Variants in NUFIP1 observed in about 807,000 individuals in gnomAD.
The protein encoded by NUFIP1 is FMR1-interacting protein NUFIP1.
Under a neutral mutation model 56.2 loss-of-function variants are expected in NUFIP1, and 38 were observed. The ratio of observed to expected loss-of-function variants is 0.68; its 90% CI spans 0.52 to 0.89. NUFIP1 has a LOEUF of 0.89. Ranked by LOEUF, NUFIP1 falls within the 40% of genes least tolerant of loss-of-function variation. The pLI is 0.00. For synonymous variants in NUFIP1, 215 were observed against 212.4 expected, an observed-to-expected ratio of 1.01 and a Z score of -0.10; for missense variants, 567 against 605.8, an observed-to-expected ratio of 0.94 and a Z score of 0.67.
rs747703932 is a variant in NUFIP1 at position 44,989,175 on chromosome 13, C to G, written c.262G>C (p.Gly88Arg). 6.2e-7 allele frequency: 1 copy of G among 1,612,632 alleles called. No homozygotes were observed. Residue 88 changes from glycine (G) to arginine (R), a missense_variant, in exon 1 of 10, where the codon GGG becomes CGG. Transcript: ENST00000379161. Reference sequence around the variant, plus strand: ...TGGGCGTCGAAGGGGGGTTGCGCCCCGGGAAGAATCTGGGCGTCGAAGGGG... The same window carrying G: ...TGGGCGTCGAAGGGGGGTTGCGCCCGGGGAAGAATCTGGGCGTCGAAGGGG... ...PPPFDAQILP[G>R]AQPPFDAQSP...
intron 7 of NUFIP1, among the ~76,000 whole-genome samples, chr13:44,951,594 C>A (rs1284636413): frequency 6.6e-6 from 1 of 152,180 alleles, no homozygotes; most frequent in African/African-American, 2.4e-5. Context: ...AGCTCCATTT[C>A]TTTCCTCCCT....
chr13:44,941,311 C>T lies in NUFIP1; in HGVS notation c.1383G>A (p.Pro461=), dbSNP rs141500983. The T allele has an allele frequency of 4.9e-4, 790 of 1,600,696 alleles. 3 individuals are homozygous for T. In the African/African-American group the frequency reaches 8.2e-3, roughly 17 times the overall value. The stretch of plus-strand genomic sequence containing the variant: ...TCACATTTCTTTCATGTCGAATGTC[C>T]GGAGCTAGAAGCTAAAACACAATTT... ...HPYLLEMLLA[P]DIRHERNVIL... is the part of the protein sequence containing the mutation. Residue 461 remains proline, a synonymous_variant, in exon 10 of 10, where the codon CCG becomes CCA. Transcript: ENST00000379161.
At chr13:44,942,853 C>A (rs1420718484) in intron 9 of NUFIP1, among the ~76,000 whole-genome samples, 1 of 151,742 alleles carries the variant, frequency 6.6e-6, no homozygotes, top group Non-Finnish European at 1.5e-5. Context: ...ATAGTCCCAG[C>A]TACTTGGGAG....
At chr13:44,953,297 T>C (rs887223674) in intron 7 of NUFIP1, among the ~76,000 whole-genome samples, 6 of 152,092 alleles carry the variant, frequency 3.9e-5, no homozygotes, top group Admixed American at 6.5e-5. Context: ...TGGGGGGAGA[T>C]ATTTTGAGGC....
chr13:44,972,977 A>T (rs1197301713), intron 5 of NUFIP1, among the ~76,000 whole-genome samples: 1 of 152,236 alleles, frequency 6.6e-6, no homozygotes, highest in East Asian at 1.9e-4. Flanking sequence ...AGATAAGCAA[A>T]ATGTCTGTTA....
chr13:44,974,803 G>T (rs1871915991), intron 5 of NUFIP1, among the ~76,000 whole-genome samples: 1 of 152,172 alleles, frequency 6.6e-6, no homozygotes, highest in Non-Finnish European at 1.5e-5. Context: ...GGTACTGAAT[G>T]AATTCAAAAT....
Position 44,989,353 on chromosome 13 carries a change from G to A in NUFIP1, c.84C>T (p.Ser28=), listed in dbSNP as rs1011227374. Residue 28 remains serine (S), a synonymous_variant, in exon 1 of 10, where the codon AGC becomes AGT. Coordinates refer to ENST00000379161, the MANE Select transcript of NUFIP1 (RefSeq NM_012345.3). ...PELTPTLGPL[S]DTAPPRDSWM... ...AGCTGTCCCGCGGCGGGGCAGTGTC[G>A]CTCAGGGGCCCTAACGTGGGAGTCA... 1.2e-6 allele frequency: 2 copies of A among 1,613,004 alleles called. No homozygotes were observed. The highest frequency in any genetic ancestry group is 1.1e-5 in the South Asian group (1 of 90,880).
rs1566056565 is a variant in NUFIP1 at position 44,949,853 on chromosome 13, A to C, written c.1022-15T>G. The C allele has an allele frequency of 2.6e-6, 4 of 1,553,188 alleles. No individual in the cohort carries two copies. In the East Asian group the frequency reaches 6.7e-5, roughly 26 times the overall value. ...CTTATCAGACTCTGAAGGGAAAAGA[A>C]GTCAGATTCAAAACATCTACCACCA... On this transcript the variant is annotated splice_polypyrimidine_tract_variant and intron_variant, in intron 7 of 9. Coordinates refer to ENST00000379161, the MANE Select transcript of NUFIP1 (RefSeq NM_012345.3).
intron 5 of NUFIP1, among the ~76,000 whole-genome samples, chr13:44,975,346 T>C (rs1871934479): frequency 6.6e-6 from 1 of 152,118 alleles, no homozygotes; most frequent in Non-Finnish European, 1.5e-5. Flanking sequence ...GACTCAACAA[T>C]GTCCAACCCA....
intron 5 of NUFIP1, among the ~76,000 whole-genome samples, chr13:44,970,367 A>C (rs1871759823): frequency 6.6e-6 from 1 of 152,232 alleles, no homozygotes; most frequent in Non-Finnish European, 1.5e-5. Flanking sequence ...TGTCAAAGAT[A>C]AGGAAGCCAT....
chr13:44,981,821 A>T (rs1872200134), intron 2 of NUFIP1, among the ~76,000 whole-genome samples: 1 of 152,194 alleles, frequency 6.6e-6, no homozygotes, highest in African/African-American at 2.4e-5. Flanking sequence ...AAAAAAAAAT[A>T]AGGTAAAATA....
chr13:44,949,644 A>G (rs1243709067), intron 8 of NUFIP1, 78 bp downstream of exon 8: 1 of 785,362 alleles, frequency 1.3e-6, no homozygotes, highest in African/African-American at 1.8e-5. Flanking sequence ...CACATCCTGG[A>G]TGTTATTAAT....
intron 9 of NUFIP1, 65 bp downstream of exon 9, chr13:44,943,377 C>A: frequency 7.5e-7 from 1 of 1,339,962 alleles, no homozygotes; most frequent in South Asian, 1.3e-5. Flanking sequence ...CACACACACA[C>A]CCCAGTGGCT....
chr13:44,959,343 A>T, intron 7 of NUFIP1, 38 bp downstream of exon 7: 1 of 1,572,628 alleles, frequency 6.4e-7, no homozygotes, highest in South Asian at 1.1e-5. Flanking sequence ...ATCATTGTCT[A>T]TACACTTATA....
chr13:44,973,192 G>A (rs1346918263), intron 5 of NUFIP1, among the ~76,000 whole-genome samples: 4 of 152,140 alleles, frequency 2.6e-5, no homozygotes, highest in Non-Finnish European at 5.9e-5. Context: ...TCACATTCGT[G>A]TAGGGAAAAG....
intron 9 of NUFIP1, among the ~76,000 whole-genome samples, chr13:44,943,198 C>T (rs1379699273): frequency 6.6e-6 from 1 of 152,126 alleles, no homozygotes; most frequent in Non-Finnish European, 1.5e-5. Context: ...TAGATACTTC[C>T]TTACCAACTA....
At chr13:44,973,553 T>C (rs574246724) in intron 5 of NUFIP1, among the ~76,000 whole-genome samples, 18 of 152,190 alleles carry the variant, frequency 1.2e-4, no homozygotes, top group Non-Finnish European at 2.6e-4. Context: ...CACTATGGGA[T>C]AGAAGCAGCC....
Position 44,949,719 on chromosome 13 carries a change from T to TA in NUFIP1, c.1138+2dup, listed in dbSNP as rs1300992000. 1 of 1,583,962 alleles carries TA rather than the reference T, an allele frequency of 6.3e-7. No homozygotes were observed. Among genetic ancestry groups the TA allele is most frequent in the South Asian group, 1.1e-5 (1 of 87,566 alleles). On this transcript the variant is annotated splice_region_variant and intron_variant, in intron 8 of 9. Coordinates refer to ENST00000379161, the MANE Select transcript of NUFIP1 (RefSeq NM_012345.3). Reference sequence around the variant, plus strand: ...CCCTGTAACAACACACACCATGACTTACCTTCTGGCTCACTCTCTGACCCT... The same window carrying TA: ...CCCTGTAACAACACACACCATGACTTAACCTTCTGGCTCACTCTCTGACCCT...
chr13:44,965,797 T>C, intron 6 of NUFIP1, 47 bp downstream of exon 6: 2 of 1,107,500 alleles, frequency 1.8e-6, no homozygotes, highest in South Asian at 3.2e-5. Flanking sequence ...GGTTTTAAGA[T>C]TTTGTTTTGT....
Sources: allele counts gnomAD v4.1 joint callset (sites outside exome capture counted in the v4.1 genomes callset), GRCh38; gene constraint gnomAD v4.1.1; transcripts MANE v1.5; gene names NCBI Gene and HGNC (gene_info 2026-07-23, HGNC 2026-07-21).